PHKB: variants seen among roughly 807,000 people sequenced by gnomAD.
PHKB encodes phosphorylase b kinase regulatory subunit beta.
In PHKB, 122 loss-of-function variants were observed where a neutral mutation model predicts 152.1. That is an observed-to-expected ratio of 0.80 (90% CI 0.69 to 0.93). The LOEUF is 0.93. Ranked by LOEUF, PHKB falls within the 40% of genes least tolerant of loss-of-function variation. The pLI is 0.00. For missense variants in PHKB, 1,304 were observed against 1,328.4 expected (o/e 0.98, Z 0.29); for synonymous variants, 436 against 464.9 (o/e 0.94, Z 0.80).
chr16:47,487,424 TATA>T (rs1474750870), intron 1 of PHKB, among the ~76,000 whole-genome samples: 223 of 148,884 alleles, frequency 1.5e-3, no homozygotes, highest in African/African-American at 5.4e-3. Flanking sequence ...TATATATATA[TATA>T]TATTTTTTTT....
intron 4 of PHKB, among the ~76,000 whole-genome samples, chr16:47,508,025 T>A (rs1429075099): frequency 1.3e-5 from 2 of 152,240 alleles, no homozygotes; most frequent in Non-Finnish European, 2.9e-5. Flanking sequence ...TAGCCTCATG[T>A]TGTCTTTTGA....
At chr16:47,654,482 A>G (rs905583427) in intron 20 of PHKB, among the ~76,000 whole-genome samples, 3 of 152,278 alleles carry the variant, frequency 2.0e-5, no homozygotes, top group Admixed American at 2.0e-4. Flanking sequence ...AAATCATGCT[A>G]CTATAAAGAC....
At chr16:47,516,245 C>T (rs550707354) in intron 6 of PHKB, among the ~76,000 whole-genome samples, 5 of 152,014 alleles carry the variant, frequency 3.3e-5, no homozygotes, top group Non-Finnish European at 4.4e-5. Flanking sequence ...TGTTTTACAT[C>T]GTTGCATTTC....
At chr16:47,697,977 G>T (rs1232690956) in intron 29 of PHKB, among the ~76,000 whole-genome samples, 4 of 152,042 alleles carry the variant, frequency 2.6e-5, no homozygotes, top group African/African-American at 9.7e-5. Flanking sequence ...TACTCATTTG[G>T]GTCCTGGGCT....
chr16:47,649,854 G>A (rs1411040348), intron 18 of PHKB, among the ~76,000 whole-genome samples: 2 of 150,450 alleles, frequency 1.3e-5, no homozygotes, highest in Non-Finnish European at 2.9e-5. Flanking sequence ...ATATGGTGAA[G>A]TATTATGTAA....
At chr16:47,616,290 A>C (rs1051623146) in intron 14 of PHKB, among the ~76,000 whole-genome samples, 2 of 151,718 alleles carry the variant, frequency 1.3e-5, no homozygotes, top group Admixed American at 1.3e-4. Flanking sequence ...TTCTTCTAAG[A>C]ATTTTATAGT....
intron 6 of PHKB, among the ~76,000 whole-genome samples, chr16:47,540,296 C>T (rs1051851762): frequency 7.5e-5 from 11 of 146,926 alleles, no homozygotes; most frequent in African/African-American, 2.5e-4. Context: ...TCTCTGCTCT[C>T]GAACTCTGTT....
Position 47,580,801 on chromosome 16 carries a change from G to T in PHKB, c.774+443G>T, listed in dbSNP as rs73551213. Reference sequence around the variant, plus strand: ...GTTTAGCCAGATAATTGGGAGTTTTGATCCTAGCTTCACCTTCAACTGGCT... The same window carrying T: ...GTTTAGCCAGATAATTGGGAGTTTTTATCCTAGCTTCACCTTCAACTGGCT... On this transcript the variant is annotated intron_variant, in intron 8 of 30. Coordinates refer to ENST00000323584, the MANE Select transcript of PHKB (RefSeq NM_000293.3). Among the ~76,000 whole-genome samples, 1,494 of 152,002 alleles carry T rather than the reference G, an allele frequency of 9.8e-3. 23 individuals carry two copies. The highest frequency in any genetic ancestry group is 0.035 in the African/African-American group (1,445 of 41,460).
chr16:47,489,205 C>G (rs866176672), intron 1 of PHKB, among the ~76,000 whole-genome samples: 5 of 152,246 alleles, frequency 3.3e-5, no homozygotes, highest in African/African-American at 9.6e-5. Flanking sequence ...GTGCATGCCA[C>G]CATGGCTGGC....
intron 2 of PHKB, 51 bp from the exon 3 acceptor site, chr16:47,499,705 A>G: frequency 6.2e-7 from 1 of 1,610,340 alleles, no homozygotes; most frequent in African/African-American, 1.3e-5. Flanking sequence ...ATTTAGCCCA[A>G]GGAAAGTCGC....
At chr16:47,593,882 T>A (rs1972074088) in intron 11 of PHKB, among the ~76,000 whole-genome samples, 1 of 152,178 alleles carries the variant, frequency 6.6e-6, no homozygotes, top group Non-Finnish European at 1.5e-5. Context: ...TGAATGTCTG[T>A]AACATTTATA....
chr16:47,638,399 G>C (rs1472719604), intron 14 of PHKB, among the ~76,000 whole-genome samples: 1 of 152,190 alleles, frequency 6.6e-6, no homozygotes, highest in Non-Finnish European at 1.5e-5. Context: ...CCTTTATTGA[G>C]TGTTTTTGTG....
chr16:47,658,046 A>G (rs964786507), intron 20 of PHKB, among the ~76,000 whole-genome samples: 2 of 152,174 alleles, frequency 1.3e-5, no homozygotes, highest in East Asian at 1.9e-4. Flanking sequence ...TAAGCCTCCA[A>G]TGACTTCCTC....
intron 14 of PHKB, among the ~76,000 whole-genome samples, chr16:47,634,440 T>G (rs1456507148): frequency 6.6e-6 from 1 of 152,148 alleles, no homozygotes; most frequent in Non-Finnish European, 1.5e-5. Flanking sequence ...ACCAGCTAGA[T>G]CAAGTTCCCT....
chr16:47,685,087 T>TTCCA (rs978397932), intron 26 of PHKB, among the ~76,000 whole-genome samples: 5 of 152,160 alleles, frequency 3.3e-5, no homozygotes, highest in African/African-American at 4.8e-5. Context: ...CCTTCCTTCC[T>TTCCA]TCCATCCATC....
At chr16:47,541,602 T>C (rs760949331) in intron 6 of PHKB, among the ~76,000 whole-genome samples, 56 of 152,206 alleles carry the variant, frequency 3.7e-4, no homozygotes, top group Non-Finnish European at 7.2e-4. Context: ...AACTAGTTTA[T>C]ACTCCCATCA....
chr16:47,542,953 G>T (rs1210659447), intron 6 of PHKB, among the ~76,000 whole-genome samples: 1 of 152,142 alleles, frequency 6.6e-6, no homozygotes, highest in African/African-American at 2.4e-5. Context: ...CAAACAGAGA[G>T]AATTTGACTT....
intron 14 of PHKB, among the ~76,000 whole-genome samples, chr16:47,625,080 C>T (rs1035713139): frequency 2.4e-4 from 37 of 152,050 alleles, no homozygotes; most frequent in African/African-American, 8.7e-4. Flanking sequence ...CTAAATAGTC[C>T]CCAAATATTT....
intron 6 of PHKB, among the ~76,000 whole-genome samples, chr16:47,546,637 C>A (rs958101943): frequency 2.0e-5 from 3 of 152,194 alleles, no homozygotes; most frequent in Admixed American, 6.5e-5. Context: ...CTGCCCTCTT[C>A]AGAGCTGTTG....
Sources: gnomAD v4.1 joint callset for allele counts (sites outside exome capture counted in the v4.1 genomes callset) on GRCh38, gnomAD v4.1.1 for gene constraint, MANE v1.5 for transcripts, NCBI Gene and HGNC (gene_info 2026-07-23, HGNC 2026-07-21) for gene names.